Variants in DEPDC1B observed in about 807,000 individuals in gnomAD.
DEPDC1B encodes DEP domain containing 1B, also known as DEP domain-containing protein 1B.
DEPDC1B carries 51 observed loss-of-function variants against 66.5 expected under a neutral mutation model. The ratio of observed to expected loss-of-function variants is 0.77; its 90% CI spans 0.61 to 0.97. DEPDC1B has a LOEUF of 0.97. Ranked by LOEUF, DEPDC1B falls within the 50% of genes least tolerant of loss-of-function variation. The pLI, the probability that DEPDC1B is intolerant of heterozygous loss-of-function variation, is 0.00. For synonymous variants in DEPDC1B, 226 were observed against 223.6 expected, an observed-to-expected ratio of 1.01 and a Z score of -0.10; for missense variants, 552 against 637.1, an observed-to-expected ratio of 0.87 and a Z score of 1.44.
chr5:60,645,460 T>C (rs1753289578), intron 4 of DEPDC1B, 32 bp downstream of exon 4: 1 of 1,551,648 alleles, frequency 6.4e-7, no homozygotes. Flanking sequence ...ACAATATCTC[T>C]AAAATTTCTC....
intron 2 of DEPDC1B, among the ~76,000 whole-genome samples, chr5:60,675,183 G>GCC: frequency 6.6e-6 from 1 of 151,652 alleles, no homozygotes; most frequent in Non-Finnish European, 1.5e-5. Context: ...CCACTGTAGG[G>GCC]CACAGGGCCC....
chr5:60,664,571 C>T (rs1753794974), intron 2 of DEPDC1B, among the ~76,000 whole-genome samples: 1 of 152,198 alleles, frequency 6.6e-6, no homozygotes, highest in African/African-American at 2.4e-5. Flanking sequence ...AGTAATTGCT[C>T]AAACCTACGC....
intron 2 of DEPDC1B, among the ~76,000 whole-genome samples, chr5:60,654,478 GTATCCTGAAACTT>G (rs1032819802): frequency 4.1e-5 from 6 of 147,712 alleles, no homozygotes; most frequent in African/African-American, 1.5e-4. Context: ...CATTAATTTT[GTATCCTGAAACTT>G]TACTGAATTC....
Position 60,693,871 on chromosome 5 carries a change from G to A in DEPDC1B, c.48+6175C>T, listed in dbSNP as rs577628734. ...TCAAGTATGTAGGGCCGGGGGAAGG[G>A]GTAATAAAAAAGATTTTTGTTTATG... is the stretch of plus-strand genomic sequence containing the variant. On this transcript the variant is annotated intron_variant, in intron 1 of 10. Transcript: ENST00000265036. 2.0e-5 allele frequency among the ~76,000 whole-genome samples: 3 copies of A among 151,482 alleles called. No individual in the cohort carries two copies. The South Asian group carries it at 6.3e-4, about 32-fold the overall frequency.
rs562576674 is a variant in DEPDC1B at position 60,669,103 on chromosome 5, G to T, written c.314+17859C>A. On this transcript the variant is annotated intron_variant, in intron 2 of 10. Transcript: ENST00000265036. ...GTGCCACCACCACTGCCAAATATTG[G>T]CTGGAGAAAAGCAATTTAAAAATAA... Among the ~76,000 whole-genome samples, 8 of 152,214 alleles carry T rather than the reference G, an allele frequency of 5.3e-5. No individual in the cohort carries two copies. In the South Asian group the frequency reaches 6.2e-4, roughly 12 times the overall value.
At chr5:60,656,481 T>C (rs1056537770) in intron 2 of DEPDC1B, among the ~76,000 whole-genome samples, 18 of 148,450 alleles carry the variant, frequency 1.2e-4, no homozygotes, top group Non-Finnish European at 2.5e-4. Flanking sequence ...TTTTCTGTCT[T>C]GATGATTTGT....
chr5:60,605,997 T>C (rs1752301838), intron 7 of DEPDC1B, 141 bp from the exon 8 acceptor site: 5 of 672,420 alleles, frequency 7.4e-6, no homozygotes, highest in Admixed American at 7.0e-5. Flanking sequence ...CAATTGAATA[T>C]AGATCCATTG....
At chr5:60,694,652 T>A (rs1296609650) in intron 1 of DEPDC1B, among the ~76,000 whole-genome samples, 1 of 152,234 alleles carries the variant, frequency 6.6e-6, no homozygotes, top group Non-Finnish European at 1.5e-5. Flanking sequence ...GTCATATTCA[T>A]TTCTTCTTCT....
At chr5:60,662,059 G>C (rs1353798969) in intron 2 of DEPDC1B, among the ~76,000 whole-genome samples, 1 of 151,886 alleles carries the variant, frequency 6.6e-6, no homozygotes, top group Non-Finnish European at 1.5e-5. Context: ...AATCTTAAAG[G>C]ATAAGTTTAT....
At chr5:60,606,212 C>T (rs902855619) in intron 7 of DEPDC1B, among the ~76,000 whole-genome samples, 1 of 152,116 alleles carries the variant, frequency 6.6e-6, no homozygotes, top group East Asian at 1.9e-4. Context: ...ATAGCAAGAA[C>T]GTGAACGTGT....
chr5:60,626,080 A>G (rs879524935), intron 7 of DEPDC1B, among the ~76,000 whole-genome samples: 1 of 151,754 alleles, frequency 6.6e-6, no homozygotes, highest in Non-Finnish European at 1.5e-5. Flanking sequence ...ACCCATCCCT[A>G]TTATCTAATC....
At position 60,689,947 on chromosome 5, in the gene DEPDC1B, G is replaced by C. The variant is rs113819648; in HGVS notation, c.49-2720C>G. Among the ~76,000 whole-genome samples, 143 of 152,202 alleles carry C rather than the reference G, an allele frequency of 9.4e-4. No homozygotes were observed. In the East Asian group the frequency reaches 0.025, roughly 27 times the overall value. ...GCTGCAGCTACTTGGCAGACTGAGC[G>C]GGGAGGCTGAAGTGGGAGGATCACT... On this transcript the variant is annotated intron_variant, in intron 1 of 10. Transcript: ENST00000265036.
chr5:60,686,532 G>C (rs1754416389), intron 2 of DEPDC1B, among the ~76,000 whole-genome samples: 1 of 152,180 alleles, frequency 6.6e-6, no homozygotes, highest in Non-Finnish European at 1.5e-5. Context: ...GGGAATTCTA[G>C]CATAATTCTT....
intron 2 of DEPDC1B, among the ~76,000 whole-genome samples, chr5:60,649,070 C>T (rs1369696162): frequency 6.6e-6 from 1 of 152,180 alleles, no homozygotes; most frequent in Non-Finnish European, 1.5e-5. Context: ...CATCCCACCA[C>T]TAATGCCCTC....
chr5:60,654,050 A>C (rs1753520575), intron 2 of DEPDC1B, among the ~76,000 whole-genome samples: 1 of 148,890 alleles, frequency 6.7e-6, no homozygotes, highest in African/African-American at 2.5e-5. Flanking sequence ...ATACTTCCAG[A>C]TTTGTTCTTT....
intron 7 of DEPDC1B, among the ~76,000 whole-genome samples, chr5:60,615,567 A>G (rs565871471): frequency 2.0e-5 from 3 of 152,138 alleles, no homozygotes; most frequent in Non-Finnish European, 4.4e-5. Flanking sequence ...GCAGTCTGAG[A>G]TCAAACTGCA....
At chr5:60,673,115 A>G (rs1754078930) in intron 2 of DEPDC1B, among the ~76,000 whole-genome samples, 1 of 152,104 alleles carries the variant, frequency 6.6e-6, no homozygotes, top group Non-Finnish European at 1.5e-5. Flanking sequence ...CGCGCCCTTG[A>G]TCACCCTGAC....
intron 2 of DEPDC1B, among the ~76,000 whole-genome samples, chr5:60,660,365 G>A (rs1204774149): frequency 6.6e-6 from 1 of 152,046 alleles, no homozygotes; most frequent in Non-Finnish European, 1.5e-5. Flanking sequence ...AAAGAAAAAA[G>A]TGTACCCTAT....
intron 2 of DEPDC1B, among the ~76,000 whole-genome samples, chr5:60,679,911 G>C (rs1461882778): frequency 6.6e-6 from 1 of 152,240 alleles, no homozygotes; most frequent in African/African-American, 2.4e-5. Context: ...GGCAGAAGCA[G>C]TAAGTACAGA....
Sources: gnomAD v4.1 joint callset for allele counts (sites outside exome capture counted in the v4.1 genomes callset) on GRCh38, gnomAD v4.1.1 for gene constraint, MANE v1.5 for transcripts, NCBI Gene and HGNC (gene_info 2026-07-23, HGNC 2026-07-21) for gene names.